Variants in SPMIP2 observed in about 807,000 individuals in gnomAD.
SPMIP2 encodes the protein sperm microtubule inner protein 2.
the SPMIP2 span, among the ~76,000 whole-genome samples, chr4:158,908,531 A>G: frequency 1.3e-5 from 2 of 152,314 alleles, no homozygotes; most frequent in Admixed American, 6.5e-5. Flanking sequence ...CTTGGTCTTT[A>G]CCAAGAATTG....
the SPMIP2 span, among the ~76,000 whole-genome samples, chr4:159,081,430 C>T: frequency 6.6e-6 from 1 of 152,108 alleles, no homozygotes. Context: ...GTGGCTCATG[C>T]CTGGAGTCCC....
At chr4:158,939,577 A>C in the SPMIP2 span, among the ~76,000 whole-genome samples, 1 of 152,236 alleles carries the variant, frequency 6.6e-6, no homozygotes, top group Non-Finnish European at 1.5e-5. Context: ...GGACAATCCA[A>C]GTAAGTCCCA....
the SPMIP2 span, among the ~76,000 whole-genome samples, chr4:158,988,660 C>CTCAAT: frequency 1.9e-4 from 29 of 152,234 alleles, no homozygotes; most frequent in African/African-American, 6.7e-4. Context: ...TCAATAGATG[C>CTCAAT]AGAAAAGGCC....
At chr4:158,998,488 T>A in the SPMIP2 span, among the ~76,000 whole-genome samples, 1 of 152,228 alleles carries the variant, frequency 6.6e-6, no homozygotes, top group East Asian at 1.9e-4. Flanking sequence ...CAATAACAGG[T>A]CCCAGTGGAG....
chr4:158,935,029 T>G, the SPMIP2 span, among the ~76,000 whole-genome samples: 1 of 152,232 alleles, frequency 6.6e-6, no homozygotes, highest in Non-Finnish European at 1.5e-5. Flanking sequence ...AACAGGTCAT[T>G]GCCTATTAGA....
At chr4:159,035,073 C>T in the SPMIP2 span, 13 of 1,613,344 alleles carry the variant, frequency 8.1e-6, no homozygotes, top group East Asian at 2.0e-4. Flanking sequence ...TAGATGTTGG[C>T]TTTTGGTATG....
chr4:159,048,474 A>C, the SPMIP2 span, among the ~76,000 whole-genome samples: 1 of 152,178 alleles, frequency 6.6e-6, no homozygotes, highest in Non-Finnish European at 1.5e-5. Flanking sequence ...ACAAAGGCAG[A>C]CAGCCCTCTG....
At chr4:159,066,609 A>ATC in the SPMIP2 span, among the ~76,000 whole-genome samples, 1 of 56,450 alleles carries the variant, frequency 1.8e-5, no homozygotes, top group Non-Finnish European at 4.7e-5. Flanking sequence ...ATATATATAT[A>ATC]TATATATATA....
the SPMIP2 span, among the ~76,000 whole-genome samples, chr4:158,985,742 C>G: frequency 6.6e-6 from 1 of 152,114 alleles, no homozygotes; most frequent in African/African-American, 2.4e-5. Context: ...GATGCCCTCT[C>G]TCACCACTCC....
chr4:158,920,532 G>C, the SPMIP2 span, among the ~76,000 whole-genome samples: 2 of 151,942 alleles, frequency 1.3e-5, no homozygotes, highest in African/African-American at 4.8e-5. Context: ...GTGAGTGTCT[G>C]TCTTATGCGG....
chr4:159,043,256 T>C, the SPMIP2 span, among the ~76,000 whole-genome samples: 2 of 152,208 alleles, frequency 1.3e-5, no homozygotes, highest in African/African-American at 4.8e-5. Context: ...GAGGGAATGT[T>C]TCCCCAGTGC....
the SPMIP2 span, chr4:159,064,381 A>C: frequency 6.6e-6 from 1 of 152,242 alleles, no homozygotes; most frequent in East Asian, 1.9e-4. Context: ...GACATAACTC[A>C]TCACCTTCAG....
chr4:158,946,412 AG>A, the SPMIP2 span, among the ~76,000 whole-genome samples: 151,105 of 152,262 alleles, frequency 0.99, 74,986 homozygotes, highest in East Asian at 1. Flanking sequence ...CCCACATTTC[AG>A]GGGGGGGGAC....
chr4:158,940,562 T>TTTC, the SPMIP2 span, among the ~76,000 whole-genome samples: 2 of 150,498 alleles, frequency 1.3e-5, no homozygotes, highest in Non-Finnish European at 3.0e-5. Flanking sequence ...GTTCCTTCTT[T>TTTC]TTTTTTTTTT....
the SPMIP2 span, among the ~76,000 whole-genome samples, chr4:159,035,642 A>G: frequency 6.6e-6 from 1 of 152,156 alleles, no homozygotes; most frequent in Admixed American, 6.5e-5. Flanking sequence ...TCATATTCCA[A>G]TCCCTCCTTA....
chr4:159,039,001 CAG>C, the SPMIP2 span, among the ~76,000 whole-genome samples: 1 of 152,070 alleles, frequency 6.6e-6, no homozygotes, highest in South Asian at 2.1e-4. Flanking sequence ...TCTTTTGAGG[CAG>C]AGTCTCACTG....
At chr4:158,923,858 AT>A in the SPMIP2 span, among the ~76,000 whole-genome samples, 1 of 151,956 alleles carries the variant, frequency 6.6e-6, no homozygotes, top group Non-Finnish European at 1.5e-5. Context: ...TTTTTTATAG[AT>A]TCACTTTATC....
chr4:159,010,581 C>T, the SPMIP2 span, among the ~76,000 whole-genome samples: 1 of 152,206 alleles, frequency 6.6e-6, no homozygotes, highest in Non-Finnish European at 1.5e-5. Context: ...AGGCTCTGCA[C>T]CACTCTGCCT....
the SPMIP2 span, among the ~76,000 whole-genome samples, chr4:158,989,212 C>T: frequency 6.6e-6 from 1 of 152,154 alleles, no homozygotes; most frequent in African/African-American, 2.4e-5. Context: ...GAACTACAAA[C>T]TACTGCTCAA....
Sources: gnomAD v4.1 joint callset for allele counts (sites outside exome capture counted in the v4.1 genomes callset) on GRCh38, gnomAD v4.1.1 for gene constraint, MANE v1.5 for transcripts, NCBI Gene and HGNC (gene_info 2026-07-23, HGNC 2026-07-21) for gene names.